STRN3: variants seen among roughly 807,000 people sequenced by gnomAD.
STRN3 encodes the protein striatin 3.
A neutral mutation model predicts 95.6 loss-of-function variants in STRN3; 29 were observed. The ratio of observed to expected loss-of-function variants is 0.30; its 90% CI spans 0.23 to 0.41. STRN3 has a LOEUF of 0.41. STRN3 is among the 10% of genes least tolerant of loss of function. STRN3 has a pLI of 1.00. For synonymous variants in STRN3, 331 were observed against 357.6 expected, an observed-to-expected ratio of 0.93 and a Z score of 0.84; for missense variants, 890 against 972.1, an observed-to-expected ratio of 0.92 and a Z score of 1.12.
At chr14:30,991,419 A>G (rs1306165561) in intron 1 of STRN3, among the ~76,000 whole-genome samples, 1 of 152,214 alleles carries the variant, frequency 6.6e-6, no homozygotes, top group African/African-American at 2.4e-5. Flanking sequence ...ACTGTTAAAG[A>G]TAAAGTAAAT....
intron 1 of STRN3, among the ~76,000 whole-genome samples, chr14:31,000,363 A>G (rs1181677543): frequency 6.6e-6 from 1 of 152,040 alleles, no homozygotes; most frequent in Non-Finnish European, 1.5e-5. Flanking sequence ...TTGTAGCACA[A>G]CAACTGCACA....
At position 31,002,091 on chromosome 14, in the gene STRN3, G is replaced by A. The variant is rs149225111; in HGVS notation, c.282+23813C>T. 9.5e-3 allele frequency among the ~76,000 whole-genome samples: 1,429 copies of A among 149,754 alleles called. 11 individuals are homozygous for A. The highest frequency in any genetic ancestry group is 0.015 in the Non-Finnish European group (1,032 of 67,550). On this transcript the variant is annotated intron_variant, in intron 1 of 17. Transcript: ENST00000357479. ...TGAGGCAGGAGAATCGCTTGAACCC[G>A]GTGGGCGGAGGTTGCAGTGAGCCGA...
At chr14:31,016,091 T>G (rs1211842485) in intron 1 of STRN3, among the ~76,000 whole-genome samples, 2 of 152,210 alleles carry the variant, frequency 1.3e-5, no homozygotes, top group African/African-American at 4.8e-5. Flanking sequence ...ATAATAATTC[T>G]CACTCATTAC....
chr14:30,965,065 G>A (rs1002146246), intron 1 of STRN3, among the ~76,000 whole-genome samples: 48 of 152,228 alleles, frequency 3.2e-4, no homozygotes, highest in Middle Eastern at 3.4e-3. Context: ...GAATTCAGAC[G>A]ATAACACACT....
At chr14:30,927,521 A>G (rs890123685) in intron 8 of STRN3, among the ~76,000 whole-genome samples, 3 of 152,094 alleles carry the variant, frequency 2.0e-5, no homozygotes, top group Non-Finnish European at 4.4e-5. Flanking sequence ...AAGCAACATT[A>G]TCTAACATTT....
At chr14:30,955,013 C>T (rs755523766) in intron 3 of STRN3, among the ~76,000 whole-genome samples, 1 of 151,528 alleles carries the variant, frequency 6.6e-6, no homozygotes, top group Non-Finnish European at 1.5e-5. Flanking sequence ...AATCATGGCT[C>T]GGAAAAAGTA....
At chr14:30,910,410 T>A (rs1407836081) in intron 13 of STRN3, among the ~76,000 whole-genome samples, 1 of 152,196 alleles carries the variant, frequency 6.6e-6, no homozygotes, top group Non-Finnish European at 1.5e-5. Context: ...AGGCACAATG[T>A]GTGTGTTAAA....
chr14:31,006,809 C>T (rs1427812937), intron 1 of STRN3, among the ~76,000 whole-genome samples: 1 of 152,010 alleles, frequency 6.6e-6, no homozygotes, highest in African/African-American at 2.4e-5. Context: ...ACAGGAGAAA[C>T]ATCTTCAAAA....
At chr14:30,909,398 T>C in intron 13 of STRN3, among the ~76,000 whole-genome samples, 1 of 20,742 alleles carries the variant, frequency 4.8e-5, no homozygotes, top group Non-Finnish European at 1.2e-4. Context: ...CTCCTCAGCC[T>C]GGGAGGCGGA....
intron 1 of STRN3, among the ~76,000 whole-genome samples, chr14:30,990,104 A>T (rs983092759): frequency 1.3e-5 from 2 of 151,730 alleles, no homozygotes; most frequent in African/African-American, 4.9e-5. Context: ...AAGGAGTTAA[A>T]GAGAAGTAAC....
chr14:30,996,700 T>C (rs1332494326), intron 1 of STRN3, among the ~76,000 whole-genome samples: 4 of 152,102 alleles, frequency 2.6e-5, no homozygotes, highest in Admixed American at 2.0e-4. Context: ...ACCCCATCTC[T>C]ACTAAAAATA....
chr14:30,996,417 T>C (rs1882200073), intron 1 of STRN3, among the ~76,000 whole-genome samples: 1 of 152,188 alleles, frequency 6.6e-6, no homozygotes, highest in African/African-American at 2.4e-5. Context: ...CGATAAAGGG[T>C]CACACAGTAA....
intron 1 of STRN3, among the ~76,000 whole-genome samples, chr14:30,992,358 T>C (rs1185018644): frequency 6.6e-6 from 1 of 151,516 alleles, no homozygotes; most frequent in Non-Finnish European, 1.5e-5. Context: ...TGAACCAAGA[T>C]TGTGCCAACT....
intron 6 of STRN3, among the ~76,000 whole-genome samples, chr14:30,935,752 A>T (rs1411443447): frequency 2.0e-5 from 3 of 152,246 alleles, no homozygotes; most frequent in Admixed American, 2.0e-4. Context: ...GAACAAAAAA[A>T]TTAAAAGGAT....
intron 5 of STRN3, among the ~76,000 whole-genome samples, chr14:30,943,096 T>C (rs559649173): frequency 6.6e-6 from 1 of 152,336 alleles, no homozygotes; most frequent in African/African-American, 2.4e-5. Context: ...TAAGACTGCT[T>C]CTAATTTTTT....
At chr14:31,018,400 C>A (rs540503292) in intron 1 of STRN3, 2 of 369,180 alleles carry the variant, frequency 5.4e-6, no homozygotes, top group East Asian at 7.8e-5. Flanking sequence ...ATGAACAATA[C>A]CTGTGACAAG....
chr14:30,941,283 A>G (rs775062941), intron 5 of STRN3, among the ~76,000 whole-genome samples: 10 of 152,186 alleles, frequency 6.6e-5, no homozygotes, highest in Non-Finnish European at 7.3e-5. Context: ...ATGATAGGAC[A>G]CAGGCCCAGC....
At chr14:30,962,361 GA>G (rs1446666529) in intron 1 of STRN3, among the ~76,000 whole-genome samples, 1 of 151,980 alleles carries the variant, frequency 6.6e-6, no homozygotes, top group East Asian at 1.9e-4. Context: ...TATTATTGAA[GA>G]AAAAAATTCA....
At chr14:30,921,957 A>T (rs1356462275) in intron 8 of STRN3, among the ~76,000 whole-genome samples, 1 of 151,996 alleles carries the variant, frequency 6.6e-6, no homozygotes. Flanking sequence ...TACAGCCTTG[A>T]TCTCCTTGGC....
Sources: allele counts gnomAD v4.1 joint callset (sites outside exome capture counted in the v4.1 genomes callset), GRCh38; gene constraint gnomAD v4.1.1; transcripts MANE v1.5; gene names NCBI Gene and HGNC (gene_info 2026-07-23, HGNC 2026-07-21).